Variants in HNRNPA1L2 observed in about 807,000 individuals in gnomAD.
HNRNPA1L2 encodes the protein heterogeneous nuclear ribonucleoprotein A1-like 2.
A neutral mutation model predicts 18.2 loss-of-function variants in HNRNPA1L2; 10 were observed. That is an observed-to-expected ratio of 0.55 (90% CI 0.34 to 0.93). The LOEUF is 0.93. Ranked by LOEUF, HNRNPA1L2 falls within the 40% of genes least tolerant of loss-of-function variation. The pLI is 0.02. For synonymous variants in HNRNPA1L2, 124 were observed against 138.6 expected, an observed-to-expected ratio of 0.89 and a Z score of 0.74; for missense variants, 308 against 394.4, an observed-to-expected ratio of 0.78 and a Z score of 1.85.
chr13:52,627,311 T>C, the HNRNPA1L2 span: 1 of 152,348 alleles, frequency 6.6e-6, no homozygotes, highest in African/African-American at 2.4e-5. Flanking sequence ...AGATATTGAA[T>C]TGAATGATAC....
At position 52,643,355 on chromosome 13, in the gene HNRNPA1L2, C is replaced by T. The variant is rs1380624757; in HGVS notation, c.863C>T (p.Pro288Leu). The part of the protein sequence containing the change: ...GGNFGGRSSG[P>L]YGGGGQYFAK... ...AATTTTGGAGGCAGAAGCTCTGGCCCCTATGGCGGTGGAGGCCAATACTTT... is the reference window on the plus strand; with the variant it reads ...AATTTTGGAGGCAGAAGCTCTGGCCTCTATGGCGGTGGAGGCCAATACTTT... Residue 288 changes from proline (P) to leucine (L), a missense_variant, in exon 1 of 1, where the codon CCC (proline) becomes CTC (leucine). Physicochemically the swap from Pro to Leu is moderately conservative, Grantham distance 98 (BLOSUM62 -3). Transcript: ENST00000357495. 3 of 1,598,152 alleles carry T rather than the reference C, an allele frequency of 1.9e-6. No homozygotes were observed. In the African/African-American group the frequency reaches 4.0e-5, roughly 21 times the overall value.
the HNRNPA1L2 span, among the ~76,000 whole-genome samples, chr13:52,635,659 T>C: frequency 2.6e-5 from 4 of 151,514 alleles, no homozygotes; most frequent in Admixed American, 2.0e-4. Flanking sequence ...TCTGTTAAAA[T>C]AGATTAAGTT....
At chr13:52,636,274 C>A in the HNRNPA1L2 span, among the ~76,000 whole-genome samples, 2 of 152,128 alleles carry the variant, frequency 1.3e-5, no homozygotes, top group Admixed American at 1.3e-4. Flanking sequence ...TGTATTATCT[C>A]TTGGGTAAAT....
chr13:52,642,785 C>G lies in HNRNPA1L2; in HGVS notation c.293C>G (p.Pro98Arg). The part of the protein sequence containing the change: ...RAVSREDSQR[P>R]GAHLTVKKIF... ...GTCTCCAGAGAAGATTCTCAAAGAC[C>G]AGGTGCCCACTTAACTGTGAAAAAG... Residue 98 changes from proline to arginine, a missense_variant, in exon 1 of 1, where the codon CCA becomes CGA. Pro to Arg is a moderately radical substitution (Grantham distance 103, BLOSUM62 -2). Coordinates refer to ENST00000357495, the MANE Select transcript of HNRNPA1L2 (RefSeq NM_001389320.1). 2 of 1,597,008 alleles carry G rather than the reference C, an allele frequency of 1.3e-6. No individual in the cohort carries two copies. Among genetic ancestry groups the G allele is most frequent in the South Asian group, 1.1e-5 (1 of 90,978 alleles).
chr13:52,641,357 CT>C (rs1961649306), upstream of HNRNPA1L2: 1 of 152,238 alleles, frequency 6.6e-6, no homozygotes, highest in Non-Finnish European at 1.5e-5. Flanking sequence ...TTCCATATTG[CT>C]GAATCCCATC....
At chr13:52,621,353 A>T in the HNRNPA1L2 span, among the ~76,000 whole-genome samples, 1 of 152,194 alleles carries the variant, frequency 6.6e-6, no homozygotes, top group Non-Finnish European at 1.5e-5. Context: ...CTTGATGAGA[A>T]TGTTGATCAG....
In HNRNPA1L2 at chr13:52,642,498, T is replaced by A. The variant is rs1242190358; in HGVS notation, c.6T>A (p.Ser2=). 4 of 1,611,786 alleles carry A rather than the reference T, an allele frequency of 2.5e-6. No homozygotes were observed. The South Asian group carries it at 3.3e-5, about 13-fold the overall frequency. Residue 2 remains serine (S), a synonymous_variant, in exon 1 of 1, where the codon TCT becomes TCA. Transcript: ENST00000357495. M[S]KSASPKEPEQ... is the part of the protein sequence containing the mutation. ...TCTCTCTTCACCTTGCCGTCATGTC[T>A]AAGTCAGCGTCTCCAAAAGAGCCCG...
At chr13:52,617,803 C>T in the HNRNPA1L2 span, 3 of 394,926 alleles carry the variant, frequency 7.6e-6, no homozygotes, top group African/African-American at 4.1e-5. Flanking sequence ...GTTTTAGAAG[C>T]TATTGCTTTA....
At position 52,642,657 on chromosome 13, in the gene HNRNPA1L2, G is replaced by A. The variant is rs1480240316; in HGVS notation, c.165G>A (p.Arg55=). ...VMRDPNTKRS[R]GFGFVTYATV... is the part of the protein sequence containing the mutation. ...GAGATCCAAACACCAAGCGCTCCAG[G>A]GGCTTTGGGTTTGTCACATATGCCA... is the stretch of plus-strand genomic sequence containing the variant. The change falls in exon 1 of 1, where the codon AGG becomes AGA. Residue 55 remains arginine (R), a synonymous_variant. Transcript: ENST00000357495. 1.2e-6 allele frequency: 2 copies of A among 1,611,280 alleles called. No individual in the cohort carries two copies. Among genetic ancestry groups the A allele is most frequent in the South Asian group, 2.2e-5 (2 of 90,956 alleles).
At chr13:52,619,789 C>T in the HNRNPA1L2 span, among the ~76,000 whole-genome samples, 3 of 151,784 alleles carry the variant, frequency 2.0e-5, no homozygotes, top group Non-Finnish European at 2.9e-5. Context: ...GGCGTGGTGG[C>T]GGGCACCTGT....
At chr13:52,639,884 T>TG (rs1200037341), upstream of HNRNPA1L2, among the ~76,000 whole-genome samples, 3 of 115,532 alleles carry the variant, frequency 2.6e-5, no homozygotes, top group Admixed American at 9.6e-5. Context: ...TTGTTTTTTT[T>TG]TTTTTTTTTT....
chr13:52,625,915 T>C, the HNRNPA1L2 span, among the ~76,000 whole-genome samples: 1 of 152,068 alleles, frequency 6.6e-6, no homozygotes, highest in African/African-American at 2.4e-5. Flanking sequence ...TAGCTGGGAC[T>C]GTAGGCATGT....
At chr13:52,627,658 A>G in the HNRNPA1L2 span, 1 of 152,400 alleles carries the variant, frequency 6.6e-6, no homozygotes, top group Admixed American at 6.5e-5. Context: ...AGTAATACAC[A>G]TAATATATAC....
At chr13:52,624,855 C>A in the HNRNPA1L2 span, among the ~76,000 whole-genome samples, 1 of 151,912 alleles carries the variant, frequency 6.6e-6, no homozygotes, top group Non-Finnish European at 1.5e-5. Flanking sequence ...ATGGTGAAAC[C>A]CTGTGTCTAT....
chr13:52,637,301 A>T, the HNRNPA1L2 span: 1 of 215,046 alleles, frequency 4.7e-6, no homozygotes. Flanking sequence ...GTCTTACTAT[A>T]CAGACACATC....
chr13:52,628,825 C>T, the HNRNPA1L2 span, among the ~76,000 whole-genome samples: 1 of 152,266 alleles, frequency 6.6e-6, no homozygotes, highest in East Asian at 1.9e-4. Context: ...TAAATGTTAT[C>T]ACTGTCCTGT....
the HNRNPA1L2 span, among the ~76,000 whole-genome samples, chr13:52,631,623 T>C: frequency 3.7e-4 from 56 of 152,324 alleles, no homozygotes; most frequent in African/African-American, 1.3e-3. Flanking sequence ...TTAATGTTCA[T>C]ATGATATTTT....
the HNRNPA1L2 span, among the ~76,000 whole-genome samples, chr13:52,634,372 A>C: frequency 6.6e-6 from 1 of 152,238 alleles, no homozygotes; most frequent in East Asian, 1.9e-4. Context: ...ATTAGTTGGC[A>C]AGAAGGCATT....
the HNRNPA1L2 span, among the ~76,000 whole-genome samples, chr13:52,625,284 T>C: frequency 6.6e-6 from 1 of 151,914 alleles, no homozygotes; most frequent in East Asian, 1.9e-4. Context: ...CTGGCTAATT[T>C]TTTTGGTTTT....
Sources: allele counts gnomAD v4.1 joint callset (sites outside exome capture counted in the v4.1 genomes callset), GRCh38; gene constraint gnomAD v4.1.1; transcripts MANE v1.5; gene names NCBI Gene and HGNC (gene_info 2026-07-23, HGNC 2026-07-21).